ICAM1: variants seen among roughly 807,000 people sequenced by gnomAD.
ICAM1 encodes ICAM-1.
Under a neutral mutation model 42.3 loss-of-function variants are expected in ICAM1, and 28 were observed. That is an observed-to-expected ratio of 0.66 (90% CI 0.49 to 0.91). The LOEUF is 0.91. ICAM1 is among the 40% of genes least tolerant of loss of function. The pLI, the probability that ICAM1 is intolerant of heterozygous loss-of-function variation, is 0.00. For synonymous variants in ICAM1, 304 were observed against 305.9 expected, an observed-to-expected ratio of 0.99 and a Z score of 0.07; for missense variants, 637 against 688.6, an observed-to-expected ratio of 0.93 and a Z score of 0.84.
At position 10,285,820 on chromosome 19, in the gene ICAM1, T is replaced by C. The variant is rs2040100677; in HGVS notation, c.*533T>C. 1 of 159,716 alleles carries C rather than the reference T, an allele frequency of 6.3e-6. No homozygotes were observed. The highest frequency in any genetic ancestry group is 1.4e-5 in the Non-Finnish European group (1 of 71,850). The allele number at this position is 159,716 out of a possible 1,614,324, so 9.9% of individuals were successfully genotyped here. On this transcript the variant is annotated 3_prime_UTR_variant, in exon 7 of 7. Coordinates refer to ENST00000264832, the MANE Select transcript of ICAM1 (RefSeq NM_000201.3). ...CATTTGTTATTTTACCAGCTATTTA[T>C]TGAGTGTCTTTTATGTAGGCTAAAT...
intron 2 of ICAM1, among the ~76,000 whole-genome samples, chr19:10,278,550 T>TTTTG (rs2040032701): frequency 1.5e-5 from 1 of 67,204 alleles, no homozygotes; most frequent in Non-Finnish European, 3.2e-5. Context: ...TGATAGGTCT[T>TTTTG]TTTTTTTTTT....
At chr19:10,276,406 ATGG>A (rs1267215106) in intron 2 of ICAM1, among the ~76,000 whole-genome samples, 1 of 151,378 alleles carries the variant, frequency 6.6e-6, no homozygotes, top group Non-Finnish European at 1.5e-5. Context: ...TTAGCCGGGC[ATGG>A]TGGCAGGCGC....
rs770551007 is a variant in ICAM1, at chr19:10,284,561, C to T, written c.1084C>T (p.Pro362Ser). The change falls in exon 5 of 7, where the codon CCA (proline) becomes TCA (serine). Residue 362 changes from proline to serine, a missense_variant. Coordinates refer to ENST00000264832, the MANE Select transcript of ICAM1 (RefSeq NM_000201.3). This position sits in a 1 kb window ranked among gnomAD's most constrained non-coding sequence, Gnocchi z 5.4. ...GGCCCAGCTCCTGCTGAAGGCCACCCCAGAGGACAACGGGCGCAGCTTCTC... is the reference window on the plus strand; with the variant it reads ...GGCCCAGCTCCTGCTGAAGGCCACCTCAGAGGACAACGGGCGCAGCTTCTC... ...PRAQLLLKATPEDNGRSFSCS... is the reference protein window; with the variant it reads ...PRAQLLLKATSEDNGRSFSCS... 23 of 1,614,028 alleles carry T rather than the reference C, an allele frequency of 1.4e-5. No individual in the cohort carries two copies. The highest frequency in any genetic ancestry group is 1.9e-5 in the Non-Finnish European group (22 of 1,180,020).
At position 10,284,975 on chromosome 19, in the gene ICAM1, G is replaced by A. The variant is rs779121366; in HGVS notation, c.1373G>A (p.Arg458Gln). The change falls in exon 6 of 7, where the codon CGG becomes CAG. Residue 458 changes from arginine to glutamine, a missense_variant. Physicochemically the swap from Arg to Gln is conservative, Grantham distance 43. Transcript: ENST00000264832. The surrounding 1 kb of genome is among the most constrained non-coding windows in gnomAD (Gnocchi z 5.4). ...TRDLEGTYLC[R>Q]ARSTQGEVTR... The stretch of plus-strand genomic sequence containing the variant: ...GATCTTGAGGGCACCTACCTCTGTC[G>A]GGCCAGGAGCACTCAAGGGGAGGTC... 1.9e-5 allele frequency: 31 copies of A among 1,611,980 alleles called. No individual in the cohort carries two copies. The African/African-American group carries it at 2.1e-4, about 11-fold the overall frequency.
At chr19:10,272,329 G>C (rs999651391) in intron 1 of ICAM1, among the ~76,000 whole-genome samples, 1 of 152,160 alleles carries the variant, frequency 6.6e-6, no homozygotes, top group Non-Finnish European at 1.5e-5. Flanking sequence ...AGATCGCACT[G>C]CTTTCTAGCT....
In ICAM1 at chr19:10,286,191, C is replaced by T. The variant is rs560897676; in HGVS notation, c.*904C>T. 1 of 152,456 alleles carries T rather than the reference C, an allele frequency of 6.6e-6. No individual in the cohort carries two copies. The highest frequency in any genetic ancestry group is 2.4e-5 in the African/African-American group (1 of 41,548). 9.4% of individuals were successfully genotyped at this position (152,456 alleles called of 1,614,324 possible). On this transcript the variant is annotated 3_prime_UTR_variant, in exon 7 of 7. Coordinates refer to ENST00000264832, the MANE Select transcript of ICAM1 (RefSeq NM_000201.3). ...GCGGTCATGTCTGGACATGAGTGCC[C>T]AGGGAATATGCCCAAGCTATGCCTT...
At chr19:10,278,429 G>T (rs1568293326) in intron 2 of ICAM1, among the ~76,000 whole-genome samples, 1 of 152,058 alleles carries the variant, frequency 6.6e-6, no homozygotes, top group Non-Finnish European at 1.5e-5. Context: ...TGATTTGGAG[G>T]GTGGGTGAGC....
Position 10,285,120 on chromosome 19 carries a change from C to G in ICAM1, c.1432C>G (p.Arg478Gly), listed in dbSNP as rs5030400. The G allele has an allele frequency of 8.7e-6, 14 of 1,613,966 alleles. No homozygotes were observed. Among genetic ancestry groups the G allele is most frequent in the South Asian group, 2.2e-5 (2 of 91,080 alleles). The change falls in exon 7 of 7, where the codon CGG becomes GGG. Residue 478 changes from arginine (R) to glycine (G), a missense_variant. By Grantham distance (125) the Arg-to-Gly change is moderately radical. Transcript: ENST00000264832. ...CTGTTGTATCCTCCCCACAGCCCCC[C>G]GGTATGAGATTGTCATCATCACTGT... ...RKVTVNVLSP[R>G]YEIVIITVVA... is the part of the protein sequence containing the mutation.
intron 2 of ICAM1, among the ~76,000 whole-genome samples, chr19:10,278,675 G>A (rs1331763789): frequency 1.3e-5 from 2 of 149,058 alleles, no homozygotes; most frequent in African/African-American, 5.0e-5. Context: ...TCCAGTAGCT[G>A]GGATTACAGG....
chr19:10,272,509 G>A (rs1056311445), intron 1 of ICAM1, among the ~76,000 whole-genome samples: 21 of 150,518 alleles, frequency 1.4e-4, no homozygotes, highest in African/African-American at 5.1e-4. Context: ...GGAGGCAGCA[G>A]AATCTGAGGG....
chr19:10,285,452 T>G lies in ICAM1; in HGVS notation c.*165T>G, dbSNP rs949403598. On this transcript the variant is annotated 3_prime_UTR_variant, in exon 7 of 7. Coordinates refer to ENST00000264832, the MANE Select transcript of ICAM1 (RefSeq NM_000201.3). ...TCAGATACAACAGCATTTGGGGCCA[T>G]GGTACCTGCACACCTAAAACACTAG... The G allele has an allele frequency of 1.9e-5, 12 of 638,120 alleles. No individual in the cohort carries two copies. In the African/African-American group the frequency reaches 2.0e-4, roughly 11 times the overall value. 39.5% of individuals were successfully genotyped at this position (638,120 alleles called of 1,614,324 possible). A position where few individuals can be genotyped will look rare whatever the true frequency, so the allele number is the denominator to read the frequency against.
Position 10,274,190 on chromosome 19 carries a change from C to T in ICAM1, c.68-575C>T, listed in dbSNP as rs140376422. ...TTTCTCCGGACAGCCAGCCCTTTCT[C>T]GTCATTTAGATCTCTGCTGAAACAT... On this transcript the variant is annotated intron_variant, in intron 1 of 6. Coordinates refer to ENST00000264832, the MANE Select transcript of ICAM1 (RefSeq NM_000201.3). 2.0e-5 allele frequency among the ~76,000 whole-genome samples: 3 copies of T among 152,158 alleles called. No homozygotes were observed. The East Asian group carries it at 5.8e-4, about 29-fold the overall frequency.
chr19:10,281,086 G>C (rs376365694), intron 2 of ICAM1, among the ~76,000 whole-genome samples: 19 of 150,660 alleles, frequency 1.3e-4, no homozygotes, highest in Middle Eastern at 3.5e-3. Context: ...TGTTAGCCAG[G>C]ATGGTCTTGA....
In ICAM1 at chr19:10,285,347, A is replaced by G. The variant is rs1258612765; in HGVS notation, c.*60A>G. On this transcript the variant is annotated 3_prime_UTR_variant, in exon 7 of 7. Transcript: ENST00000264832. ...CCCATATTGGTGGCAGTGGTGCCAC[A>G]CTGAACAGAGTGGAAGACATATGCC... 6.0e-6 allele frequency: 9 copies of G among 1,494,140 alleles called. No individual in the cohort carries two copies. Among genetic ancestry groups the G allele is most frequent in the Non-Finnish European group, 8.3e-6 (9 of 1,082,950 alleles). The allele number at this position is 1,494,140 out of a possible 1,614,324, so 92.6% of individuals were successfully genotyped here. A position where few individuals can be genotyped will look rare whatever the true frequency, so the allele number is the denominator to read the frequency against.
In ICAM1 at chr19:10,286,388, T is replaced by G. The variant is rs2145018217; in HGVS notation, c.*1101T>G. On this transcript the variant is annotated 3_prime_UTR_variant, in exon 7 of 7. Transcript: ENST00000264832. ...TGTGTGTGTGTATGTGTAGACAAGC[T>G]CTCGCTCTGTCACCCAGGCTGGAGT... 6.6e-6 allele frequency: 1 copy of G among 152,552 alleles called. No homozygotes were observed. Among genetic ancestry groups the G allele is most frequent in the South Asian group, 2.1e-4 (1 of 4,838 alleles). The allele number at this position is 152,552 out of a possible 1,614,324, so 9.4% of individuals were successfully genotyped here.
rs1182964353 is a variant in ICAM1 at position 10,285,295 on chromosome 19, C to G, written c.*8C>G. 2 of 1,612,546 alleles carry G rather than the reference C, an allele frequency of 1.2e-6. No individual in the cohort carries two copies. Among genetic ancestry groups the G allele is most frequent in the Admixed American group, 3.3e-5 (2 of 59,872 alleles). ...CAAGCCACGCCTCCCTGAACCTATC[C>G]CGGGACAGGGCCTCTTCCTCGGCCT... On this transcript the variant is annotated 3_prime_UTR_variant, in exon 7 of 7. Coordinates refer to ENST00000264832, the MANE Select transcript of ICAM1 (RefSeq NM_000201.3).
Position 10,284,969 on chromosome 19 carries a change from T to A in ICAM1, c.1367T>A (p.Leu456His). 6.2e-7 allele frequency: 1 copy of A among 1,611,764 alleles called. No individual in the cohort carries two copies. Residue 456 changes from leucine (L) to histidine (H), a missense_variant, in exon 6 of 7, where the codon CTC becomes CAC. Leu to His is a moderately conservative substitution (Grantham distance 99, BLOSUM62 -3). Coordinates refer to ENST00000264832, the MANE Select transcript of ICAM1 (RefSeq NM_000201.3). This position sits in a 1 kb window ranked among gnomAD's most constrained non-coding sequence, Gnocchi z 5.4. ...ACTCGAGATCTTGAGGGCACCTACC[T>A]CTGTCGGGCCAGGAGCACTCAAGGG... ...TVTRDLEGTYLCRARSTQGEV... is the reference protein window; with the variant it reads ...TVTRDLEGTYHCRARSTQGEV...
rs1248094146 is a variant in ICAM1, at chr19:10,283,725, G to A, written c.576G>A (p.Leu192=). Residue 192 remains leucine, a synonymous_variant, in exon 3 of 7, where the codon CTG becomes CTA. Coordinates refer to ENST00000264832, the MANE Select transcript of ICAM1 (RefSeq NM_000201.3). ...ANFSCRTELD[L]RPQGLELFEN... ...TCTCGTGCCGCACTGAACTGGACCT[G>A]CGGCCCCAAGGGCTGGAGCTGTTTG... 1.2e-6 allele frequency: 2 copies of A among 1,613,554 alleles called. No homozygotes were observed. Among genetic ancestry groups the A allele is most frequent in the East Asian group, 2.2e-5 (1 of 44,894 alleles).
chr19:10,284,192 GC>G lies in ICAM1; in HGVS notation c.798del (p.Asn267ThrfsTer12). 6.2e-7 allele frequency: 1 copy of G among 1,613,994 alleles called. No homozygotes were observed. The highest frequency in any genetic ancestry group is 8.5e-7 in the Non-Finnish European group (1 of 1,180,014). The stretch of plus-strand genomic sequence containing the variant: ...AGGTTGAACCCCACAGTCACCTATG[GC>G]AACGACTCCTTCTCGGCCAAGGCCT... ...DQRLNPTVTY[G>X]NDSFSAKASV... On this transcript the variant is annotated frameshift_variant, in exon 4 of 7. Coordinates refer to ENST00000264832, the MANE Select transcript of ICAM1 (RefSeq NM_000201.3). LOFTEE classifies it high-confidence loss of function. This position sits in a 1 kb window ranked among gnomAD's most constrained non-coding sequence, Gnocchi z 5.4.
Sources: gnomAD v4.1 joint callset for allele counts (sites outside exome capture counted in the v4.1 genomes callset) on GRCh38, gnomAD v4.1.1 for gene constraint, Gnocchi (gnomAD v3.1) non-coding constraint, MANE v1.5 for transcripts, NCBI Gene and HGNC (gene_info 2026-07-23, HGNC 2026-07-21) for gene names.